The following TBCEL variants were observed in gnomAD, a reference collection of about 807,000 sequenced individuals.
TBCEL encodes the protein tubulin-specific chaperone cofactor E-like protein.
Under a neutral mutation model 44.2 loss-of-function variants are expected in TBCEL, and 15 were observed. The observed-to-expected ratio is 0.34, with a 90% CI of 0.23 to 0.52. The LOEUF (loss-of-function observed/expected upper bound fraction) is 0.52, where lower values mean the gene tolerates loss of function less well. TBCEL is among the 20% of genes least tolerant of loss of function. The pLI, the probability that TBCEL is intolerant of heterozygous loss-of-function variation, is 0.95. For missense variants in TBCEL, 319 were observed against 506.3 expected, an observed-to-expected ratio of 0.63 and a Z score of 3.55; for synonymous variants, 171 against 185.4, an observed-to-expected ratio of 0.92 and a Z score of 0.63.
intron 1 of TBCEL, among the ~76,000 whole-genome samples, chr11:121,027,898 T>C (rs562017913): frequency 6.6e-6 from 1 of 152,234 alleles, no homozygotes; most frequent in East Asian, 1.9e-4. Context: ...CAGAATTGAC[T>C]GAACGTATGG....
intron 1 of TBCEL, among the ~76,000 whole-genome samples, chr11:121,026,003 A>G (rs1318849933): frequency 6.6e-6 from 1 of 152,086 alleles, no homozygotes; most frequent in Non-Finnish European, 1.5e-5. Flanking sequence ...AAGAAATTTT[A>G]TTTTACTGTT....
intron 1 of TBCEL, among the ~76,000 whole-genome samples, chr11:121,033,707 T>G (rs1054073751): frequency 2.6e-5 from 4 of 152,192 alleles, no homozygotes; most frequent in Non-Finnish European, 5.9e-5. Flanking sequence ...TTTAGTGGCA[T>G]TAAGTACATT....
At chr11:121,072,425 G>C (rs1002288462) in intron 8 of TBCEL, among the ~76,000 whole-genome samples, 3 of 152,050 alleles carry the variant, frequency 2.0e-5, no homozygotes, top group Admixed American at 6.6e-5. Flanking sequence ...ACTGATGATA[G>C]TTAATATTTT....
intron 1 of TBCEL, among the ~76,000 whole-genome samples, chr11:121,031,809 C>A (rs573105032): frequency 5.3e-5 from 8 of 151,760 alleles, no homozygotes; most frequent in Admixed American, 2.0e-4. Flanking sequence ...GGACTACAGG[C>A]ACATGCCACC....
rs551191328 is a variant in TBCEL, at chr11:121,042,519, TAGAA to T, written c.-17-3150_-17-3147del. Among the ~76,000 whole-genome samples, 15 of 152,328 alleles carry T rather than the reference TAGAA, an allele frequency of 9.8e-5. 1 individual carries two copies. In the South Asian group the frequency reaches 2.3e-3, roughly 23 times the overall value. On this transcript the variant is annotated intron_variant, in intron 2 of 8. Coordinates refer to ENST00000683345, the MANE Select transcript of TBCEL (RefSeq NM_001363644.2). ...ATATAGACACTTAACACTGTGTGGT[TAGAA>T]AGAACAAAGTGTCTTGTACTAAAAC...
At chr11:121,051,792 G>A (rs1565497261) in intron 4 of TBCEL, among the ~76,000 whole-genome samples, 1 of 151,764 alleles carries the variant, frequency 6.6e-6, no homozygotes, top group Non-Finnish European at 1.5e-5. Flanking sequence ...GGGTTAGTGT[G>A]TGGAATAAGT....
At chr11:121,078,123 T>G (rs12797329) in intron 8 of TBCEL, among the ~76,000 whole-genome samples, 17,589 of 152,184 alleles carry the variant, frequency 0.12, 1,146 homozygotes, top group African/African-American at 0.18. Context: ...GCATGTTTTA[T>G]AAATACCAGG....
At chr11:121,085,659 C>T (rs1476039566) in intron 8 of TBCEL, among the ~76,000 whole-genome samples, 1 of 152,108 alleles carries the variant, frequency 6.6e-6, no homozygotes, top group Non-Finnish European at 1.5e-5. Context: ...CATCTCTAAG[C>T]ACAGCAATCT....
chr11:121,068,552 A>G (rs1361138655), intron 8 of TBCEL, among the ~76,000 whole-genome samples: 6 of 152,056 alleles, frequency 3.9e-5, no homozygotes, highest in African/African-American at 1.4e-4. Flanking sequence ...CGTGCATCTC[A>G]TAGCAGCCTG....
intron 1 of TBCEL, among the ~76,000 whole-genome samples, chr11:121,033,735 A>G (rs961802083): frequency 2.0e-5 from 3 of 152,194 alleles, no homozygotes; most frequent in Admixed American, 2.0e-4. Context: ...TTATGCAACC[A>G]TCACCATCAA....
intron 1 of TBCEL, among the ~76,000 whole-genome samples, chr11:121,024,747 A>C (rs1398784920): frequency 6.6e-6 from 1 of 152,192 alleles, no homozygotes; most frequent in East Asian, 1.9e-4. Context: ...AAAAGAGGAC[A>C]TGTCCCCAGG....
chr11:121,052,661 T>A (rs538306884), intron 4 of TBCEL, among the ~76,000 whole-genome samples: 1 of 151,924 alleles, frequency 6.6e-6, no homozygotes, highest in African/African-American at 2.4e-5. Flanking sequence ...CAGTTTTCTT[T>A]ATTCATTTTT....
At chr11:121,081,276 T>C (rs778201262) in intron 8 of TBCEL, among the ~76,000 whole-genome samples, 94 of 152,156 alleles carry the variant, frequency 6.2e-4, no homozygotes, top group Admixed American at 1.2e-3. Context: ...TGATTGGCCA[T>C]TTTCTGTTAG....
intron 1 of TBCEL, among the ~76,000 whole-genome samples, chr11:121,032,991 G>GT (rs1945170122): frequency 1.3e-5 from 2 of 152,144 alleles, no homozygotes; most frequent in South Asian, 4.1e-4. Context: ...GAGAGAGGTA[G>GT]TTTTTTAGGA....
At chr11:121,033,900 C>T (rs1413246931) in intron 1 of TBCEL, among the ~76,000 whole-genome samples, 1 of 151,452 alleles carries the variant, frequency 6.6e-6, no homozygotes, top group African/African-American at 2.4e-5. Context: ...GAATCATACA[C>T]GATTTGTTCT....
At chr11:121,043,605 T>G (rs1430705613) in intron 2 of TBCEL, among the ~76,000 whole-genome samples, 1 of 152,104 alleles carries the variant, frequency 6.6e-6, no homozygotes, top group Non-Finnish European at 1.5e-5. Flanking sequence ...TCCCTTGTAA[T>G]CTATAACCAT....
At chr11:121,081,872 C>T (rs1946132588) in intron 8 of TBCEL, among the ~76,000 whole-genome samples, 1 of 152,088 alleles carries the variant, frequency 6.6e-6, no homozygotes, top group South Asian at 2.1e-4. Context: ...CTCTAGTACT[C>T]TTTCTTCTTT....
At chr11:121,067,557 G>T (rs534265145) in intron 8 of TBCEL, among the ~76,000 whole-genome samples, 1 of 152,288 alleles carries the variant, frequency 6.6e-6, no homozygotes, top group Non-Finnish European at 1.5e-5. Flanking sequence ...CAAGAGAAGA[G>T]GAAAAATCTC....
chr11:121,047,497 T>G (rs749460657), intron 3 of TBCEL, 31 bp from the exon 4 acceptor site: 1 of 1,608,388 alleles, frequency 6.2e-7, no homozygotes. Context: ...TTGGCTGATA[T>G]AGAAAACATT....
Sources: allele counts gnomAD v4.1 joint callset (sites outside exome capture counted in the v4.1 genomes callset), GRCh38; gene constraint gnomAD v4.1.1; transcripts MANE v1.5; gene names NCBI Gene and HGNC (gene_info 2026-07-23, HGNC 2026-07-21).